The following TAFA1 variants were observed in gnomAD, a reference collection of about 807,000 sequenced individuals.
TAFA1 encodes chemokine-like protein TAFA-1.
In TAFA1, 4 loss-of-function variants were observed where a neutral mutation model predicts 18.5. That is an observed-to-expected ratio of 0.22 (90% confidence interval 0.11 to 0.49). TAFA1 has a LOEUF of 0.49. Ranked by LOEUF, TAFA1 falls within the 20% of genes least tolerant of loss-of-function variation. TAFA1 has a pLI of 0.98. For missense variants in TAFA1, 147 were observed against 169.0 expected (o/e 0.87, Z 0.72); for synonymous variants, 56 against 55.2 (o/e 1.01, Z -0.06).
intron 2 of TAFA1, among the ~76,000 whole-genome samples, chr3:68,318,576 C>T (rs899329782): frequency 3.3e-5 from 5 of 152,134 alleles, no homozygotes; most frequent in Non-Finnish European, 5.9e-5. Context: ...CTCTCCTGAC[C>T]GTCCATCAAA....
chr3:68,139,376 T>C (rs564615404), intron 2 of TAFA1, among the ~76,000 whole-genome samples: 6 of 152,270 alleles, frequency 3.9e-5, no homozygotes, highest in South Asian at 2.1e-4. Flanking sequence ...CTAACACCAA[T>C]GTAATAATGT....
intron 2 of TAFA1, among the ~76,000 whole-genome samples, chr3:68,288,020 A>G (rs2068044999): frequency 6.6e-6 from 1 of 151,762 alleles, no homozygotes; most frequent in African/African-American, 2.4e-5. Context: ...TCCAGGAGCC[A>G]TGGTAAATTC....
intron 2 of TAFA1, among the ~76,000 whole-genome samples, chr3:68,274,205 A>G (rs1354222399): frequency 6.6e-6 from 1 of 152,192 alleles, no homozygotes. Flanking sequence ...TACAAATTTC[A>G]TAAACCCAGA....
intron 2 of TAFA1, among the ~76,000 whole-genome samples, chr3:68,371,173 T>C (rs1187511011): frequency 1.3e-5 from 2 of 152,278 alleles, no homozygotes; most frequent in East Asian, 3.9e-4. Context: ...TGAGCCTCTG[T>C]TTTTTCATTG....
chr3:68,264,627 G>A (rs1481292728), intron 2 of TAFA1, among the ~76,000 whole-genome samples: 2 of 151,874 alleles, frequency 1.3e-5, no homozygotes. Context: ...TAGTGTAGAA[G>A]TAAACTAGCA....
At chr3:68,074,839 A>AT (rs1397611627) in intron 2 of TAFA1, among the ~76,000 whole-genome samples, 10 of 152,312 alleles carry the variant, frequency 6.6e-5, no homozygotes, top group Admixed American at 1.3e-4. Context: ...AAAACAAGCT[A>AT]TTTAGGTCAT....
intron 3 of TAFA1, among the ~76,000 whole-genome samples, chr3:68,439,441 A>ATATATATATATATATG (rs1368084224): frequency 1.6e-5 from 2 of 128,712 alleles, no homozygotes; most frequent in Non-Finnish European, 3.4e-5. Context: ...ATATATATAT[A>ATATATATATATATATG]TATGAGTTTA....
At chr3:68,298,738 C>G (rs748117399) in intron 2 of TAFA1, among the ~76,000 whole-genome samples, 1 of 152,136 alleles carries the variant, frequency 6.6e-6, no homozygotes, top group Non-Finnish European at 1.5e-5. Flanking sequence ...AAGAAGATCC[C>G]TTGCTTCCCC....
intron 3 of TAFA1, among the ~76,000 whole-genome samples, chr3:68,428,475 A>AC (rs1046318400): frequency 1.2e-4 from 18 of 151,906 alleles, no homozygotes; most frequent in South Asian, 2.1e-4. Context: ...TGCATAGGTG[A>AC]CCCCCAGGAA....
intron 2 of TAFA1, among the ~76,000 whole-genome samples, chr3:68,290,274 T>C (rs2068083578): frequency 6.6e-6 from 1 of 152,174 alleles, no homozygotes; most frequent in Non-Finnish European, 1.5e-5. Context: ...ACAATACTAG[T>C]ATTAATGTTC....
intron 2 of TAFA1, among the ~76,000 whole-genome samples, chr3:68,108,978 A>G (rs764184570): frequency 9.9e-5 from 15 of 152,070 alleles, no homozygotes; most frequent in Non-Finnish European, 1.3e-4. Context: ...TCAATTGCTA[A>G]TTTATCATTA....
At chr3:68,510,505 G>T (rs1476023747) in intron 3 of TAFA1, among the ~76,000 whole-genome samples, 1 of 152,150 alleles carries the variant, frequency 6.6e-6, no homozygotes, top group Non-Finnish European at 1.5e-5. Context: ...ACTGTGCATG[G>T]TTGACTGGGT....
chr3:68,258,561 G>T (rs1374757706), intron 2 of TAFA1, among the ~76,000 whole-genome samples: 1 of 152,112 alleles, frequency 6.6e-6, no homozygotes, highest in East Asian at 1.9e-4. Context: ...TAACTGAGTG[G>T]TTACCATGGT....
intron 2 of TAFA1, among the ~76,000 whole-genome samples, chr3:68,370,488 AT>A (rs1689729056): frequency 4.4e-5 from 4 of 90,482 alleles, no homozygotes; most frequent in African/African-American, 1.7e-4. Flanking sequence ...ATATATATAT[AT>A]ATATATATAT....
At chr3:68,508,502 T>G (rs2175516) in intron 3 of TAFA1, among the ~76,000 whole-genome samples, 30,815 of 151,998 alleles carry the variant, frequency 0.2, 3,224 homozygotes, top group Middle Eastern at 0.24. Flanking sequence ...CTACTTTCTA[T>G]ATGTTTAGGA....
Position 68,162,908 on chromosome 3 carries a change from C to T in TAFA1, c.118+156164C>T, listed in dbSNP as rs1224251642. Among the ~76,000 whole-genome samples the T allele has an allele frequency of 2.6e-5, 4 of 152,136 alleles. No homozygotes were observed. In the East Asian group the frequency reaches 5.8e-4, roughly 22 times the overall value. On this transcript the variant is annotated intron_variant, in intron 2 of 4. Coordinates refer to ENST00000478136, the MANE Select transcript of TAFA1 (RefSeq NM_213609.4). The stretch of plus-strand genomic sequence containing the variant: ...TTGGTTTGTGAAATATTTATGTGCA[C>T]TTTAGTGGCATAGACAGGAGGTAAT...
upstream of TAFA1, among the ~76,000 whole-genome samples, chr3:68,003,623 G>T (rs150360027): frequency 6.6e-6 from 1 of 150,940 alleles, no homozygotes; most frequent in African/African-American, 2.4e-5. Context: ...AAGAAGAAAG[G>T]GTTCAAACCG....
intron 2 of TAFA1, among the ~76,000 whole-genome samples, chr3:68,173,671 A>G (rs569088169): frequency 5.3e-5 from 8 of 152,308 alleles, no homozygotes; most frequent in African/African-American, 1.9e-4. Context: ...CTTCACTCTC[A>G]TATTGCTTAT....
chr3:68,325,500 A>C (rs1298315952), intron 2 of TAFA1, among the ~76,000 whole-genome samples: 1 of 152,174 alleles, frequency 6.6e-6, no homozygotes, highest in Non-Finnish European at 1.5e-5. Flanking sequence ...TGCTCAGTGC[A>C]TGTTTGTATC....
Sources: allele counts gnomAD v4.1 joint callset (sites outside exome capture counted in the v4.1 genomes callset), GRCh38; gene constraint gnomAD v4.1.1; transcripts MANE v1.5; gene names NCBI Gene and HGNC (gene_info 2026-07-23, HGNC 2026-07-21).